The following SUGCT variants were observed in gnomAD, a reference collection of about 807,000 sequenced individuals.
The protein encoded by SUGCT is succinyl-CoA:glutarate-CoA transferase, also known as succinyl-CoA:glutarate CoA-transferase.
A neutral mutation model predicts 55.0 loss-of-function variants in SUGCT; 41 were observed. The ratio of observed to expected loss-of-function variants is 0.74; its 90% CI spans 0.58 to 0.97. The LOEUF (loss-of-function observed/expected upper bound fraction) is 0.97. Ranked by LOEUF, SUGCT falls within the 50% of genes least tolerant of loss-of-function variation. The probability of loss-of-function intolerance (pLI) is 0.00; values close to 1 mark genes in which losing one functional copy is unlikely to be tolerated. For missense variants in SUGCT, 568 were observed against 547.8 expected, an observed-to-expected ratio of 1.04 and a Z score of -0.37; for synonymous variants, 187 against 200.4, an observed-to-expected ratio of 0.93 and a Z score of 0.56.
chr7:40,308,981 T>C (rs187452812), intron 8 of SUGCT, among the ~76,000 whole-genome samples: 70 of 152,296 alleles, frequency 4.6e-4, no homozygotes, highest in African/African-American at 1.7e-3. Context: ...CACTGCAGCC[T>C]GGGCAACAGA....
the SUGCT span, among the ~76,000 whole-genome samples, chr7:41,001,607 G>A: frequency 6.6e-6 from 1 of 152,182 alleles, no homozygotes; most frequent in Non-Finnish European, 1.5e-5. Context: ...GCATGGTCCA[G>A]TTCTGGTGAG....
At chr7:40,545,396 TG>T (rs1256029094) in intron 12 of SUGCT, among the ~76,000 whole-genome samples, 1 of 152,238 alleles carries the variant, frequency 6.6e-6, no homozygotes, top group African/African-American at 2.4e-5. Context: ...TTTGTTTTAC[TG>T]GTTTAATATA....
intron 8 of SUGCT, among the ~76,000 whole-genome samples, chr7:40,311,560 T>TA (rs1795154031): frequency 6.6e-6 from 1 of 152,182 alleles, no homozygotes; most frequent in South Asian, 2.1e-4. Flanking sequence ...ATGGTTTAGT[T>TA]ATATTTGTCT....
At chr7:40,975,252 A>G in the SUGCT span, among the ~76,000 whole-genome samples, 1 of 152,164 alleles carries the variant, frequency 6.6e-6, no homozygotes, top group Non-Finnish European at 1.5e-5. Context: ...TAAAGGAGGA[A>G]GGGTTTGGAA....
At chr7:40,251,082 G>A (rs777606068) in intron 7 of SUGCT, among the ~76,000 whole-genome samples, 4 of 151,960 alleles carry the variant, frequency 2.6e-5, no homozygotes, top group Non-Finnish European at 5.9e-5. Context: ...ATCCACCCCG[G>A]CCTCCCAAAC....
At chr7:40,801,596 T>C (rs888625674) in intron 13 of SUGCT, among the ~76,000 whole-genome samples, 2 of 152,106 alleles carry the variant, frequency 1.3e-5, no homozygotes, top group Non-Finnish European at 2.9e-5. Flanking sequence ...ATCTTAACCA[T>C]AAAAATGAAG....
chr7:40,272,655 A>ATT (rs1382298511), intron 7 of SUGCT, among the ~76,000 whole-genome samples: 1 of 145,588 alleles, frequency 6.9e-6, no homozygotes, highest in African/African-American at 2.5e-5. Context: ...TATTATTATT[A>ATT]TTATTATTAT....
chr7:40,291,219 G>A (rs10270234), intron 8 of SUGCT, among the ~76,000 whole-genome samples: 19,210 of 151,850 alleles, frequency 0.13, 1,595 homozygotes, highest in Middle Eastern at 0.21. Flanking sequence ...TGTTTATTGC[G>A]GCACTATTCA....
chr7:40,945,958 T>A, the SUGCT span, among the ~76,000 whole-genome samples: 1 of 152,144 alleles, frequency 6.6e-6, no homozygotes, highest in African/African-American at 2.4e-5. Context: ...AGGAGTGATA[T>A]AGAATCTGTG....
chr7:40,868,413 G>A, the SUGCT span, among the ~76,000 whole-genome samples: 11 of 152,068 alleles, frequency 7.2e-5, no homozygotes, highest in South Asian at 2.1e-4. Context: ...GAGAACATGC[G>A]GTGTTTGGTT....
chr7:40,824,533 C>T (rs563531710), intron 13 of SUGCT, among the ~76,000 whole-genome samples: 1 of 152,154 alleles, frequency 6.6e-6, no homozygotes, highest in African/African-American at 2.4e-5. Context: ...ATATGGTATG[C>T]ATTCGTTGGG....
intron 12 of SUGCT, among the ~76,000 whole-genome samples, chr7:40,721,580 TACAGCCAACTG>T (rs1786340884): frequency 6.6e-6 from 1 of 152,256 alleles, no homozygotes; most frequent in African/African-American, 2.4e-5. Context: ...GTCACCAAGC[TACAGCCAACTG>T]GCAGCTGGTT....
At chr7:40,746,308 A>G (rs1787728513) in intron 12 of SUGCT, among the ~76,000 whole-genome samples, 1 of 152,112 alleles carries the variant, frequency 6.6e-6, no homozygotes, top group South Asian at 2.1e-4. Flanking sequence ...GTTTCCAGGG[A>G]CAGCACTGCC....
chr7:40,205,980 A>G (rs1422832060), intron 6 of SUGCT, among the ~76,000 whole-genome samples: 1 of 152,236 alleles, frequency 6.6e-6, no homozygotes, highest in Admixed American at 6.5e-5. Context: ...AATTTCTGAT[A>G]TATGGTTAGA....
At chr7:40,522,766 A>C (rs934736713) in intron 12 of SUGCT, among the ~76,000 whole-genome samples, 1 of 152,100 alleles carries the variant, frequency 6.6e-6, no homozygotes, top group African/African-American at 2.4e-5. Flanking sequence ...AATAACCCAC[A>C]AATTGCAGAT....
chr7:40,780,003 T>C (rs1210915727), intron 13 of SUGCT, among the ~76,000 whole-genome samples: 1 of 152,198 alleles, frequency 6.6e-6, no homozygotes. Context: ...CATCATACTC[T>C]CCTGTTGTTT....
intron 9 of SUGCT, among the ~76,000 whole-genome samples, chr7:40,354,801 T>G (rs769185184): frequency 2.0e-5 from 3 of 152,196 alleles, no homozygotes; most frequent in Admixed American, 6.5e-5. Flanking sequence ...TAGCAGGAGA[T>G]GAGGCTGGAT....
intron 11 of SUGCT, among the ~76,000 whole-genome samples, chr7:40,482,279 A>G (rs1319200037): frequency 1.3e-5 from 2 of 152,204 alleles, no homozygotes; most frequent in African/African-American, 4.8e-5. Flanking sequence ...GGACCAGAAC[A>G]TATGACTGGT....
the SUGCT span, among the ~76,000 whole-genome samples, chr7:41,038,670 C>G: frequency 8.5e-5 from 13 of 152,156 alleles, no homozygotes; most frequent in African/African-American, 1.9e-4. Context: ...TAAGCTGGCT[C>G]TATTCACAGA....
Sources: gnomAD v4.1 joint callset for allele counts (sites outside exome capture counted in the v4.1 genomes callset) on GRCh38, gnomAD v4.1.1 for gene constraint, MANE v1.5 for transcripts, NCBI Gene and HGNC (gene_info 2026-07-23, HGNC 2026-07-21) for gene names.